PALM2AKAP2: variants seen among roughly 807,000 people sequenced by gnomAD.
PALM2AKAP2 encodes the protein PALM2-AKAP2 fusion protein.
PALM2AKAP2 carries 37 observed loss-of-function variants against 71.5 expected under a neutral mutation model. The ratio of observed to expected loss-of-function variants is 0.52; its 90% confidence interval spans 0.40 to 0.68. PALM2AKAP2 has a LOEUF of 0.68. Ranked by LOEUF, PALM2AKAP2 falls within the 30% of genes least tolerant of loss-of-function variation. The pLI, the probability that PALM2AKAP2 is intolerant of heterozygous loss-of-function variation, is 0.00. For synonymous variants in PALM2AKAP2, 468 were observed against 478.8 expected (o/e 0.98, Z 0.29); for missense variants, 1,224 against 1,191.8 (o/e 1.03, Z -0.40).
At chr9:109,835,009 G>C (rs1478094103) in intron 1 of PALM2AKAP2, among the ~76,000 whole-genome samples, 1 of 152,094 alleles carries the variant, frequency 6.6e-6, no homozygotes, top group Non-Finnish European at 1.5e-5. Flanking sequence ...AATGCCAGGA[G>C]GGGTCTGCAC....
chr9:109,959,992 C>T lies in PALM2AKAP2; in HGVS notation c.496+27964C>T, dbSNP rs150604201. 3.7e-3 allele frequency among the ~76,000 whole-genome samples: 559 copies of T among 152,274 alleles called. 1 individual carries two copies. The highest frequency in any genetic ancestry group is 0.013 in the African/African-American group (522 of 41,542). ...CTCTTTCTCCAGAATTAAGATCAAACCCTTCTCTCTGGAATTCAACATTTG... is the reference window on the plus strand; with the variant it reads ...CTCTTTCTCCAGAATTAAGATCAAATCCTTCTCTCTGGAATTCAACATTTG... On this transcript the variant is annotated intron_variant, in intron 6 of 9. Transcript: ENST00000302798.
intron 3 of PALM2AKAP2, among the ~76,000 whole-genome samples, chr9:109,887,135 A>G (rs955183762): frequency 1.1e-4 from 17 of 152,242 alleles, no homozygotes; most frequent in African/African-American, 3.9e-4. Context: ...GCGTAGAGAC[A>G]TTAGGCATAA....
intron 3 of PALM2AKAP2, among the ~76,000 whole-genome samples, chr9:109,895,884 C>T (rs1199584693): frequency 2.6e-5 from 4 of 152,046 alleles, no homozygotes; most frequent in East Asian, 1.9e-4. Context: ...CAAGGAGAAG[C>T]GCTGAGCATA....
intron 1 of PALM2AKAP2, among the ~76,000 whole-genome samples, chr9:109,771,402 A>C (rs545592889): frequency 2.6e-5 from 4 of 152,318 alleles, no homozygotes; most frequent in South Asian, 4.1e-4. Context: ...CAGATGAAGA[A>C]GGTGTCAAGT....
At chr9:110,124,805 A>C (rs1362305166) in intron 1 of PALM2AKAP2, among the ~76,000 whole-genome samples, 5 of 152,196 alleles carry the variant, frequency 3.3e-5, no homozygotes, top group Non-Finnish European at 7.3e-5. Flanking sequence ...GGCATGGACT[A>C]TAATGTAGCC....
At chr9:109,771,915 A>G (rs988116019) in intron 1 of PALM2AKAP2, 13 of 152,228 alleles carry the variant, frequency 8.5e-5, no homozygotes, top group African/African-American at 2.9e-4. Flanking sequence ...CTCCCACCCC[A>G]GAGGCATTAC....
intron 6 of PALM2AKAP2, among the ~76,000 whole-genome samples, chr9:109,968,943 G>A (rs932643257): frequency 6.6e-6 from 1 of 152,176 alleles, no homozygotes; most frequent in African/African-American, 2.4e-5. Flanking sequence ...AAACTGTGGA[G>A]TGTGACACAG....
intron 6 of PALM2AKAP2, among the ~76,000 whole-genome samples, chr9:109,970,451 T>C (rs1832044359): frequency 6.6e-6 from 1 of 152,164 alleles, no homozygotes; most frequent in South Asian, 2.1e-4. Context: ...CCTCTAGAAA[T>C]GTGGAGCTTA....
intron 1 of PALM2AKAP2, among the ~76,000 whole-genome samples, chr9:109,819,709 G>A (rs867726121): frequency 0.049 from 6,136 of 124,590 alleles, 276 homozygotes; most frequent in African/African-American, 0.11. Context: ...GTGTGTATGT[G>A]TGTGTGTGTG....
chr9:109,829,012 G>C (rs1828227261), intron 1 of PALM2AKAP2, among the ~76,000 whole-genome samples: 1 of 152,244 alleles, frequency 6.6e-6, no homozygotes, highest in Admixed American at 6.5e-5. Context: ...GAGGAAATAT[G>C]ATTCATGTTA....
intron 7 of PALM2AKAP2, among the ~76,000 whole-genome samples, chr9:110,028,103 T>TA: frequency 6.6e-6 from 1 of 152,352 alleles, no homozygotes; most frequent in East Asian, 1.9e-4. Flanking sequence ...ATATCGGTAC[T>TA]ATATGGGTCA....
chr9:109,893,498 C>T (rs1830133741), intron 3 of PALM2AKAP2, among the ~76,000 whole-genome samples: 3 of 152,152 alleles, frequency 2.0e-5, no homozygotes, highest in African/African-American at 4.8e-5. Flanking sequence ...GGCTGAAATG[C>T]ATTGGTGTGA....
At chr9:110,164,141 C>A (rs1836670264) in intron 3 of PALM2AKAP2, among the ~76,000 whole-genome samples, 1 of 152,138 alleles carries the variant, frequency 6.6e-6, no homozygotes, top group Non-Finnish European at 1.5e-5. Flanking sequence ...TGGTTCTCAT[C>A]TGGAGGATGG....
intron 6 of PALM2AKAP2, among the ~76,000 whole-genome samples, chr9:109,968,177 C>A (rs1831992185): frequency 6.6e-6 from 1 of 152,206 alleles, no homozygotes; most frequent in African/African-American, 2.4e-5. Flanking sequence ...TCCTCTCTGG[C>A]ACTTCTCCCA....
intron 1 of PALM2AKAP2, among the ~76,000 whole-genome samples, chr9:109,715,147 A>C (rs1185220178): frequency 6.6e-6 from 1 of 152,220 alleles, no homozygotes; most frequent in Non-Finnish European, 1.5e-5. Flanking sequence ...TCTGCTGTCA[A>C]ATACTTTCTC....
At chr9:109,679,515 A>AT (rs1419806315) in intron 1 of PALM2AKAP2, among the ~76,000 whole-genome samples, 1 of 152,216 alleles carries the variant, frequency 6.6e-6, no homozygotes, top group Non-Finnish European at 1.5e-5. Context: ...ACTCTGACTT[A>AT]TAATATGATG....
intron 6 of PALM2AKAP2, among the ~76,000 whole-genome samples, chr9:109,970,950 A>C (rs1471174947): frequency 2.0e-5 from 3 of 152,016 alleles, no homozygotes; most frequent in African/African-American, 7.3e-5. Context: ...TCTACAAAAA[A>C]AATTTAAAAA....
At chr9:109,919,721 A>ATG (rs145136744) in intron 3 of PALM2AKAP2, among the ~76,000 whole-genome samples, 6,114 of 148,878 alleles carry the variant, frequency 0.041, 261 homozygotes, top group East Asian at 0.18. Flanking sequence ...ATATATATAT[A>ATG]TGTGTGTATA....
In PALM2AKAP2 at chr9:110,168,492, G is replaced by A. The variant is rs150312035; in HGVS notation, c.2842G>A (p.Glu948Lys). Reference sequence around the variant, plus strand: ...TGCCAACCAGGAGGAAGAAGACAACGAATAAACTTCCTTCAACCCAGGAAG... The same window carrying A: ...TGCCAACCAGGAGGAAGAAGACAACAAATAAACTTCCTTCAACCCAGGAAG... The change falls in exon 4 of 4, where the codon GAA (glutamate) becomes AAA (lysine). Residue 948 changes from glutamate to lysine, a missense_variant. Transcript: ENST00000374525. The A allele has an allele frequency of 3.5e-5, 56 of 1,613,926 alleles. 1 individual carries two copies. Among genetic ancestry groups the A allele is most frequent in the South Asian group, 8.8e-5 (8 of 91,082 alleles).
Sources: allele counts gnomAD v4.1 joint callset (sites outside exome capture counted in the v4.1 genomes callset), GRCh38; gene constraint gnomAD v4.1.1; transcripts MANE v1.5; gene names NCBI Gene and HGNC (gene_info 2026-07-23, HGNC 2026-07-21).